The following BCAS3 variants were observed in gnomAD, a reference collection of about 807,000 sequenced individuals.
BCAS3 encodes the protein BCAS3 microtubule associated cell migration factor.
BCAS3 carries 53 observed loss-of-function variants against 116.1 expected under a neutral mutation model. The ratio of observed to expected loss-of-function variants is 0.46; its 90% confidence interval spans 0.37 to 0.57. BCAS3 has a LOEUF of 0.57. Ranked by LOEUF, BCAS3 falls within the 20% of genes least tolerant of loss-of-function variation. BCAS3 has a pLI of 0.00. For missense variants in BCAS3, 917 were observed against 1,165.4 expected (o/e 0.79, Z 3.10); for synonymous variants, 391 against 408.2 (o/e 0.96, Z 0.51).
At chr17:60,972,142 T>C (rs1185355064) in intron 14 of BCAS3, among the ~76,000 whole-genome samples, 2 of 152,214 alleles carry the variant, frequency 1.3e-5, no homozygotes, top group Non-Finnish European at 2.9e-5. Context: ...ACATGTTCGA[T>C]GATATCCTCT....
At chr17:60,892,939 A>G (rs1350383514) in intron 10 of BCAS3, among the ~76,000 whole-genome samples, 1 of 152,158 alleles carries the variant, frequency 6.6e-6, no homozygotes, top group Non-Finnish European at 1.5e-5. Flanking sequence ...AAAAATAAAA[A>G]TAAAAAGTCG....
At chr17:61,064,838 C>T (rs968716704) in intron 19 of BCAS3, among the ~76,000 whole-genome samples, 2 of 152,034 alleles carry the variant, frequency 1.3e-5, no homozygotes, top group Non-Finnish European at 2.9e-5. Flanking sequence ...ATCATTGATC[C>T]CTATAATATA....
chr17:61,108,424 A>G (rs1277670425), intron 22 of BCAS3, among the ~76,000 whole-genome samples: 1 of 152,120 alleles, frequency 6.6e-6, no homozygotes, highest in Non-Finnish European at 1.5e-5. Flanking sequence ...TACATTGAAT[A>G]TAATTATTTA....
At chr17:60,914,422 C>G (rs1016115638) in intron 12 of BCAS3, among the ~76,000 whole-genome samples, 1 of 151,974 alleles carries the variant, frequency 6.6e-6, no homozygotes, top group African/African-American at 2.4e-5. Flanking sequence ...TTATTGCCAT[C>G]AAATTGAATA....
chr17:60,948,161 G>T (rs2145251614), intron 14 of BCAS3, among the ~76,000 whole-genome samples: 1 of 151,988 alleles, frequency 6.6e-6, no homozygotes, highest in South Asian at 2.1e-4. Context: ...CTAGAGTGCA[G>T]TGGCGCTGCG....
chr17:60,922,424 C>A (rs915660982), intron 12 of BCAS3, among the ~76,000 whole-genome samples: 33 of 152,230 alleles, frequency 2.2e-4, no homozygotes, highest in African/African-American at 7.7e-4. Context: ...CGCGCCTGGC[C>A]CAATTTTAGC....
chr17:61,217,077 C>T lies in BCAS3; in HGVS notation c.2425+132513C>T, dbSNP rs1471289481. 2.6e-5 allele frequency among the ~76,000 whole-genome samples: 4 copies of T among 151,322 alleles called. No homozygotes were observed. Among genetic ancestry groups the T allele is most frequent in the East Asian group, 2.0e-4 (1 of 5,016 alleles). ...TGGGTGGATCACGAGGTCAGGAGATCGAGACCATCCTGGCTAACACGGTGA... is the reference window on the plus strand; with the variant it reads ...TGGGTGGATCACGAGGTCAGGAGATTGAGACCATCCTGGCTAACACGGTGA... On this transcript the variant is annotated intron_variant, in intron 22 of 23. Transcript: ENST00000407086. This position sits in a 1 kb window ranked among gnomAD's most constrained non-coding sequence, Gnocchi z 5.2.
chr17:60,742,642 A>G (rs1282916227), intron 5 of BCAS3, among the ~76,000 whole-genome samples: 2 of 151,680 alleles, frequency 1.3e-5, no homozygotes, highest in African/African-American at 2.4e-5. Flanking sequence ...CATGTTGGCC[A>G]GGCTGGTCTC....
At chr17:60,925,156 A>G (rs2059305400) in intron 13 of BCAS3, among the ~76,000 whole-genome samples, 1 of 152,110 alleles carries the variant, frequency 6.6e-6, no homozygotes, top group Non-Finnish European at 1.5e-5. Flanking sequence ...CCTGGCCTCA[A>G]GTAATTCTCC....
At chr17:60,694,971 A>G (rs1466588826) in intron 4 of BCAS3, among the ~76,000 whole-genome samples, 4 of 152,084 alleles carry the variant, frequency 2.6e-5, no homozygotes, top group Non-Finnish European at 5.9e-5. Flanking sequence ...TAGGGACCTC[A>G]CATGGGTAGA....
chr17:61,214,450 C>T lies in BCAS3; in HGVS notation c.2425+129886C>T, dbSNP rs1327161292. Among the ~76,000 whole-genome samples, 2 of 151,620 alleles carry T rather than the reference C, an allele frequency of 1.3e-5. No individual in the cohort carries two copies. Among genetic ancestry groups the T allele is most frequent in the South Asian group, 2.1e-4 (1 of 4,804 alleles). ...CTGTAATCCCAGCACTTTGCAAGGC[C>T]GAGGCAGGTGGATCACAAGGTCAGG... On this transcript the variant is annotated intron_variant, in intron 22 of 23. Transcript: ENST00000407086. This position sits in a 1 kb window ranked among gnomAD's most constrained non-coding sequence, Gnocchi z 4.4.
chr17:60,828,562 A>G (rs552216244), intron 7 of BCAS3, among the ~76,000 whole-genome samples: 3 of 152,338 alleles, frequency 2.0e-5, no homozygotes, highest in South Asian at 2.1e-4. Context: ...ATCAAAGACT[A>G]TATGGATATA....
chr17:60,923,667 CATTAG>C (rs2059219263), intron 12 of BCAS3, among the ~76,000 whole-genome samples: 2 of 151,978 alleles, frequency 1.3e-5, no homozygotes, highest in Admixed American at 1.3e-4. Flanking sequence ...CTTTCTGAAA[CATTAG>C]ATAAGTAAAA....
At chr17:61,371,821 G>A (rs1029548968) in intron 23 of BCAS3, among the ~76,000 whole-genome samples, 2 of 152,312 alleles carry the variant, frequency 1.3e-5, no homozygotes, top group East Asian at 1.9e-4. Flanking sequence ...CTGCTCAGCC[G>A]AGGTCTGCAT....
In BCAS3 at chr17:61,256,080, C is replaced by G. The variant is rs1176470245; in HGVS notation, c.2426-112247C>G. 6.6e-6 allele frequency among the ~76,000 whole-genome samples: 1 copy of G among 152,142 alleles called. No homozygotes were observed. The highest frequency in any genetic ancestry group is 2.4e-5 in the African/African-American group (1 of 41,430). ...CTTTCAGTTAATAAATGTTTTCCAGCCTCCATCAGCCTCTACTGGTAATCA... is the reference window on the plus strand; with the variant it reads ...CTTTCAGTTAATAAATGTTTTCCAGGCTCCATCAGCCTCTACTGGTAATCA... On this transcript the variant is annotated intron_variant, in intron 22 of 23. Transcript: ENST00000407086. This position sits in a 1 kb window ranked among gnomAD's most constrained non-coding sequence, Gnocchi z 5.6.
intron 10 of BCAS3, among the ~76,000 whole-genome samples, chr17:60,901,402 G>C (rs1445808036): frequency 1.3e-5 from 2 of 152,154 alleles, no homozygotes; most frequent in African/African-American, 4.8e-5. Context: ...ATGAATGAGT[G>C]AGCAAGAGAG....
At chr17:61,005,772 G>GA (rs1226267248) in intron 15 of BCAS3, among the ~76,000 whole-genome samples, 2 of 148,878 alleles carry the variant, frequency 1.3e-5, no homozygotes, top group Admixed American at 6.7e-5. Flanking sequence ...TTTTTTTTAG[G>GA]AAAAAATTTC....
In BCAS3 at chr17:61,021,513, A is replaced by G. The variant is rs146000544; in HGVS notation, c.1637+5612A>G. On this transcript the variant is annotated intron_variant, in intron 16 of 23. Coordinates refer to ENST00000407086, the MANE Select transcript of BCAS3 (RefSeq NM_017679.5). This position sits in a 1 kb window ranked among gnomAD's most constrained non-coding sequence, Gnocchi z 4.6. ...CATCTGGGTTCTGCACCTATTTGCC[A>G]GTGTGTCCTAGGTAAATTTCTTCAC... Among the ~76,000 whole-genome samples, 1 of 152,188 alleles carries G rather than the reference A, an allele frequency of 6.6e-6. No homozygotes were observed. Among genetic ancestry groups the G allele is most frequent in the African/African-American group, 2.4e-5 (1 of 41,500 alleles).
intron 22 of BCAS3, among the ~76,000 whole-genome samples, chr17:61,308,443 G>A (rs2144767883): frequency 6.9e-6 from 1 of 144,550 alleles, no homozygotes; most frequent in Admixed American, 7.5e-5. Flanking sequence ...CATGGGTCTT[G>A]GGTCAAAGGA....
Sources: allele counts gnomAD v4.1 joint callset (sites outside exome capture counted in the v4.1 genomes callset), GRCh38; gene constraint gnomAD v4.1.1; non-coding constraint Gnocchi (gnomAD v3.1); transcripts MANE v1.5; gene names NCBI Gene and HGNC (gene_info 2026-07-23, HGNC 2026-07-21).